MAPK6: variants seen among roughly 807,000 people sequenced by gnomAD.
MAPK6 encodes the protein ERK-3.
A neutral mutation model predicts 59.3 loss-of-function variants in MAPK6; 19 were observed. The observed-to-expected ratio is 0.32, with a 90% CI of 0.22 to 0.47. The LOEUF is 0.47. MAPK6 is among the 20% of genes least tolerant of loss of function. MAPK6 has a pLI of 1.00. For missense variants in MAPK6, 724 were observed against 847.9 expected (o/e 0.85, Z 1.81); for synonymous variants, 316 against 290.3 (o/e 1.09, Z -0.90).
chr15:51,980,028 C>T (rs1359958376), intron 1 of MAPK6, among the ~76,000 whole-genome samples: 1 of 151,768 alleles, frequency 6.6e-6, no homozygotes, highest in Admixed American at 6.6e-5. Context: ...GGCGCGGTGG[C>T]TCACACCTGT....
intron 1 of MAPK6, among the ~76,000 whole-genome samples, chr15:52,039,075 C>T (rs1056673961): frequency 2.0e-5 from 3 of 152,156 alleles, no homozygotes; most frequent in South Asian, 2.1e-4. Context: ...TGCAGTGGCA[C>T]GATCTTGGCT....
chr15:52,013,003 AAAAAAAAAAAAAAAAAAATATATATAT>A (rs1360328069), intron 3 of MAPK6, among the ~76,000 whole-genome samples: 70 of 19,162 alleles, frequency 3.7e-3, no homozygotes, highest in African/African-American at 8.8e-3. Flanking sequence ...AAAAAAAAAA[AAAAAAAAAAAAAAAAAAATATATATAT>A]ATATATATAT....
rs766218454 is a variant in MAPK6 at position 52,064,507 on chromosome 15, C to G, written c.1673C>G (p.Ser558Cys). Residue 558 changes from serine to cysteine, a missense_variant, in exon 6 of 6, where the codon TCC (serine) becomes TGC (cysteine). Around this residue, in one of 4 missense-constraint regions of MAPK6, gnomAD observed 502 missense variants for 507.6 expected, o/e 0.99. Transcript: ENST00000261845. ...TTAAATGACTTGAATAGCTCAGTGTCCCAACTAGAATTGAAAAGTTTGATA... is the reference window on the plus strand; with the variant it reads ...TTAAATGACTTGAATAGCTCAGTGTGCCAACTAGAATTGAAAAGTTTGATA... ...DKLNDLNSSV[S>C]QLELKSLISK... is the part of the protein sequence containing the mutation. The G allele has an allele frequency of 1.4e-4, 232 of 1,609,388 alleles. 1 individual carries two copies. In the South Asian group the frequency reaches 2.4e-3, roughly 17 times the overall value.
At position 52,046,671 on chromosome 15, in the gene MAPK6, A is replaced by C; in HGVS notation, c.211A>C (p.Arg71=). 1 of 1,614,178 alleles carries C rather than the reference A, an allele frequency of 6.2e-7. No individual in the cohort carries two copies. The highest frequency in any genetic ancestry group is 1.3e-5 in the African/African-American group (1 of 75,060). Residue 71 remains arginine (R), a synonymous_variant, in exon 2 of 6, where the codon AGA becomes CGA. Coordinates refer to ENST00000261845, the MANE Select transcript of MAPK6 (RefSeq NM_002748.4). The part of the protein sequence containing the change: ...HALREIKIIR[R]LDHDNIVKVF... ...TCTACGTGAAATCAAAATTATTAGA[A>C]GACTTGACCATGATAACATTGTGAA... is the stretch of plus-strand genomic sequence containing the variant.
chr15:52,032,477 A>G (rs1265276066), intron 1 of MAPK6, among the ~76,000 whole-genome samples: 1 of 152,142 alleles, frequency 6.6e-6, no homozygotes, highest in African/African-American at 2.4e-5. Context: ...GGCGTGAGCC[A>G]CTGTGCCTGG....
At chr15:52,057,964 T>C (rs2032049199) in intron 3 of MAPK6, among the ~76,000 whole-genome samples, 1 of 152,218 alleles carries the variant, frequency 6.6e-6, no homozygotes, top group Admixed American at 6.5e-5. Flanking sequence ...TCAAGTGTCC[T>C]GCGCATAGTA....
At position 52,048,740 on chromosome 15, in the gene MAPK6, G is replaced by A. The variant is rs535310052; in HGVS notation, c.556-1253G>A. 1.2e-3 allele frequency among the ~76,000 whole-genome samples: 177 copies of A among 152,002 alleles called. 4 individuals carry two copies. Among genetic ancestry groups the A allele is most frequent in the Non-Finnish European group, 7.1e-4 (48 of 67,950 alleles). On this transcript the variant is annotated intron_variant, in intron 2 of 5. Coordinates refer to ENST00000261845, the MANE Select transcript of MAPK6 (RefSeq NM_002748.4). ...GGCCAGGAGTTTGAGACCAACCTGCGCAGTGGCTCCTGCCTGTAATCTCAG... is the reference window on the plus strand; with the variant it reads ...GGCCAGGAGTTTGAGACCAACCTGCACAGTGGCTCCTGCCTGTAATCTCAG...
chr15:52,055,022 T>C, intron 3 of MAPK6, among the ~76,000 whole-genome samples: 1 of 152,182 alleles, frequency 6.6e-6, no homozygotes, highest in Non-Finnish European at 1.5e-5. Flanking sequence ...TCAGGTGATC[T>C]GTGTGCCTTG....
At chr15:52,017,828 G>C (rs2030320582), upstream of MAPK6, 2 of 152,396 alleles carry the variant, frequency 1.3e-5, no homozygotes, top group Admixed American at 6.5e-5. Context: ...GATCAGAGGA[G>C]AGCCTAGAGC....
At position 51,988,741 on chromosome 15, in the gene MAPK6, T is replaced by TACACACAC. The variant is rs35976962; in HGVS notation, c.-770+5444_-770+5451dup. 4.4e-3 allele frequency among the ~76,000 whole-genome samples: 642 copies of TACACACAC among 145,688 alleles called. 9 individuals carry two copies. Among genetic ancestry groups the TACACACAC allele is most frequent in the African/African-American group, 0.015 (614 of 39,912 alleles). ...AGTGAGACTCTGGGCAAAAAAAAAA[T>TACACACAC]ACACACACACACACACACACACACA... On this transcript the variant is annotated intron_variant, in intron 2 of 7. Transcript: ENST00000691380.
At chr15:52,023,832 C>T (rs1271360200) in intron 1 of MAPK6, among the ~76,000 whole-genome samples, 3 of 152,138 alleles carry the variant, frequency 2.0e-5, no homozygotes, top group Non-Finnish European at 4.4e-5. Flanking sequence ...CCAGGATGGT[C>T]TCATCTCCTG....
At chr15:52,000,730 G>C (rs1052874420) in intron 2 of MAPK6, among the ~76,000 whole-genome samples, 8 of 151,924 alleles carry the variant, frequency 5.3e-5, no homozygotes, top group African/African-American at 1.9e-4. Context: ...CTCCCAGAAG[G>C]CGGAGGTTGC....
intron 3 of MAPK6, among the ~76,000 whole-genome samples, chr15:52,054,731 C>CAT (rs1044075929): frequency 6.9e-6 from 1 of 144,288 alleles, no homozygotes; most frequent in African/African-American, 2.7e-5. Flanking sequence ...TATATCTATA[C>CAT]ACACACACAC....
intron 1 of MAPK6, among the ~76,000 whole-genome samples, chr15:52,027,254 A>G (rs1210827433): frequency 3.8e-5 from 5 of 130,674 alleles, no homozygotes; most frequent in Non-Finnish European, 7.9e-5. Flanking sequence ...GGAGGCTGAG[A>G]CAGAAAAATT....
intron 2 of MAPK6, among the ~76,000 whole-genome samples, chr15:51,998,663 GGCGTGC>G (rs2057232923): frequency 7.0e-6 from 1 of 142,944 alleles, no homozygotes; most frequent in South Asian, 2.2e-4. Context: ...TGGAATTACA[GGCGTGC>G]GCCACCATGC....
intron 2 of MAPK6, among the ~76,000 whole-genome samples, chr15:52,049,329 A>G (rs1342159421): frequency 6.7e-6 from 1 of 149,974 alleles, no homozygotes; most frequent in Non-Finnish European, 1.5e-5. Flanking sequence ...AATGCTTTGA[A>G]TGTGTGGCCT....
intron 1 of MAPK6, among the ~76,000 whole-genome samples, chr15:52,038,678 C>T (rs1566907166): frequency 6.6e-6 from 1 of 152,214 alleles, no homozygotes; most frequent in East Asian, 1.9e-4. Flanking sequence ...GTCTCCTGTC[C>T]TATATTTGCT....
At chr15:52,059,570 A>G (rs1001728810) in intron 4 of MAPK6, among the ~76,000 whole-genome samples, 20 of 152,240 alleles carry the variant, frequency 1.3e-4, no homozygotes, top group African/African-American at 4.6e-4. Context: ...ACCTGGATCC[A>G]CTTCAGAGTA....
At chr15:52,037,175 T>C (rs1270853164) in intron 1 of MAPK6, among the ~76,000 whole-genome samples, 2 of 152,140 alleles carry the variant, frequency 1.3e-5, no homozygotes, top group Admixed American at 6.5e-5. Flanking sequence ...TGTGTGCCTA[T>C]AGTCCCAGCT....
Sources: allele counts gnomAD v4.1 joint callset (sites outside exome capture counted in the v4.1 genomes callset), GRCh38; gene constraint gnomAD v4.1.1; regional missense constraint gnomAD v4.1.1; transcripts MANE v1.5; gene names NCBI Gene and HGNC (gene_info 2026-07-23, HGNC 2026-07-21).